The following RFTN1 variants were observed in gnomAD, a reference collection of about 807,000 sequenced individuals.
RFTN1 encodes raftlin, lipid raft linker 1.
In RFTN1, 26 loss-of-function variants were observed where a neutral mutation model predicts 46.5. The ratio of observed to expected loss-of-function variants is 0.56; its 90% confidence interval spans 0.41 to 0.78. The LOEUF is 0.78. Ranked by LOEUF, RFTN1 falls within the 30% of genes least tolerant of loss-of-function variation. The pLI, the probability that RFTN1 is intolerant of heterozygous loss-of-function variation, is 0.00. For synonymous variants in RFTN1, 261 were observed against 284.2 expected (o/e 0.92, Z 0.82); for missense variants, 693 against 718.7 (o/e 0.96, Z 0.41).
At position 16,348,885 on chromosome 3, in the gene RFTN1, T is replaced by G. The variant is rs1379878568; in HGVS notation, c.1146+9047A>C. Reference sequence around the variant, plus strand: ...TCTCTGTGTCCTGCCACTGCCACAATCCACACACATTTCAGAACACCCGAG... The same window carrying G: ...TCTCTGTGTCCTGCCACTGCCACAAGCCACACACATTTCAGAACACCCGAG... On this transcript the variant is annotated intron_variant, in intron 7 of 9. Transcript: ENST00000334133. This position sits in a 1 kb window ranked among gnomAD's most constrained non-coding sequence, Gnocchi z 6.3. Among the ~76,000 whole-genome samples, 1 of 152,140 alleles carries G rather than the reference T, an allele frequency of 6.6e-6. No individual in the cohort carries two copies. The highest frequency in any genetic ancestry group is 1.9e-4 in the East Asian group (1 of 5,196).
chr3:16,433,998 A>G lies in RFTN1; in HGVS notation c.185T>C (p.Leu62Pro), dbSNP rs765993446. Residue 62 changes from leucine to proline, a missense_variant, in exon 3 of 10, where the codon CTG becomes CCG. Coordinates refer to ENST00000334133, the MANE Select transcript of RFTN1 (RefSeq NM_015150.2). This position sits in a 1 kb window ranked among gnomAD's most constrained non-coding sequence, Gnocchi z 4.4. ...PGSSAVRLAS[L>P]RDLPAQLLEL... ...CAGGAGCTGGGCGGGCAGGTCACGCAGGGAGGCCAGCCTCACTGCTGAGGA... is the reference window on the plus strand; with the variant it reads ...CAGGAGCTGGGCGGGCAGGTCACGCGGGGAGGCCAGCCTCACTGCTGAGGA... 2.5e-6 allele frequency: 4 copies of G among 1,612,092 alleles called. No homozygotes were observed. Among genetic ancestry groups the G allele is most frequent in the Non-Finnish European group, 3.4e-6 (4 of 1,179,264 alleles).
chr3:16,407,139 A>G lies in RFTN1; in HGVS notation c.441+2236T>C, dbSNP rs2074878565. Among the ~76,000 whole-genome samples, 1 of 152,146 alleles carries G rather than the reference A, an allele frequency of 6.6e-6. No homozygotes were observed. The highest frequency in any genetic ancestry group is 2.4e-5 in the African/African-American group (1 of 41,420). ...ACTGCAATGGGTCAGCCATGCAATA[A>G]CCTAATTTGGTTAAGACAAAGTCAC... On this transcript the variant is annotated intron_variant, in intron 4 of 9. Coordinates refer to ENST00000334133, the MANE Select transcript of RFTN1 (RefSeq NM_015150.2). This position sits in a 1 kb window ranked among gnomAD's most constrained non-coding sequence, Gnocchi z 4.0.
chr3:16,401,284 A>G (rs1468798675), intron 4 of RFTN1, among the ~76,000 whole-genome samples: 1 of 149,086 alleles, frequency 6.7e-6, no homozygotes, highest in East Asian at 2.0e-4. Context: ...TTATTGTGCC[A>G]CTGTACTCCA....
At position 16,421,927 on chromosome 3, in the gene RFTN1, C is replaced by A. The variant is rs1428374656; in HGVS notation, c.332+11924G>T. On this transcript the variant is annotated intron_variant, in intron 3 of 9. Coordinates refer to ENST00000334133, the MANE Select transcript of RFTN1 (RefSeq NM_015150.2). This position sits in a 1 kb window ranked among gnomAD's most constrained non-coding sequence, Gnocchi z 4.6. Reference sequence around the variant, plus strand: ...GAACCCAGCCCTTCTGCAGGCCCCTCCTGCTCCATACAGCACATGTGACCT... The same window carrying A: ...GAACCCAGCCCTTCTGCAGGCCCCTACTGCTCCATACAGCACATGTGACCT... Among the ~76,000 whole-genome samples, 1 of 152,196 alleles carries A rather than the reference C, an allele frequency of 6.6e-6. No individual in the cohort carries two copies. Among genetic ancestry groups the A allele is most frequent in the Non-Finnish European group, 1.5e-5 (1 of 68,020 alleles).
At position 16,361,119 on chromosome 3, in the gene RFTN1, C is replaced by T. The variant is rs902514471; in HGVS notation, c.1031-3072G>A. Among the ~76,000 whole-genome samples, 7 of 152,258 alleles carry T rather than the reference C, an allele frequency of 4.6e-5. No homozygotes were observed. The East Asian group carries it at 1.3e-3, about 29-fold the overall frequency. ...CTCTCCTCTACAAGGCTCTTGAAGG[C>T]CTAACTAGAATCAAAGAGTTTTTTA... On this transcript the variant is annotated intron_variant, in intron 6 of 9. Transcript: ENST00000334133. This position sits in a 1 kb window ranked among gnomAD's most constrained non-coding sequence, Gnocchi z 4.3.
At chr3:16,453,128 G>A (rs903369575) in intron 2 of RFTN1, among the ~76,000 whole-genome samples, 2 of 152,144 alleles carry the variant, frequency 1.3e-5, no homozygotes, top group African/African-American at 4.8e-5. Context: ...TTAAAGATGA[G>A]AAAACTCTGG....
intron 2 of RFTN1, among the ~76,000 whole-genome samples, chr3:16,453,182 A>C (rs2075848858): frequency 6.6e-6 from 1 of 152,232 alleles, no homozygotes; most frequent in Admixed American, 6.5e-5. Context: ...AGAGCCACTA[A>C]GGGTTGAACC....
intron 4 of RFTN1, among the ~76,000 whole-genome samples, chr3:16,379,996 A>T (rs2073930067): frequency 1.3e-5 from 2 of 152,228 alleles, no homozygotes; most frequent in Admixed American, 6.5e-5. Context: ...AGACACCTGC[A>T]CTAGCTTCTG....
Position 16,326,878 on chromosome 3 carries a change from TG to T in RFTN1, c.1147-3del. 2 of 1,612,306 alleles carry T rather than the reference TG, an allele frequency of 1.2e-6. No individual in the cohort carries two copies. The highest frequency in any genetic ancestry group is 1.7e-6 in the Non-Finnish European group (2 of 1,179,262). On this transcript the variant is annotated splice_region_variant and splice_polypyrimidine_tract_variant and intron_variant, in intron 7 of 9. Coordinates refer to ENST00000334133, the MANE Select transcript of RFTN1 (RefSeq NM_015150.2). ...GTAGTCTGTCTGCACTTCGACACCC[TG>T]GGGGAACAAGGCCAGCATTAGGGCT...
Position 16,448,048 on chromosome 3 carries a change from A to G in RFTN1, c.146-14011T>C, listed in dbSNP as rs1311351744. ...CACCAGCCACATGTGGCTATCGAGCATCTGAAATGTGGCCAGTGTGATTGA... is the reference window on the plus strand; with the variant it reads ...CACCAGCCACATGTGGCTATCGAGCGTCTGAAATGTGGCCAGTGTGATTGA... On this transcript the variant is annotated intron_variant, in intron 2 of 9. Transcript: ENST00000334133. The surrounding 1 kb of genome is among the most constrained non-coding windows in gnomAD (Gnocchi z 4.1). Among the ~76,000 whole-genome samples the G allele has an allele frequency of 1.3e-5, 2 of 151,922 alleles. No homozygotes were observed. Among genetic ancestry groups the G allele is most frequent in the African/African-American group, 2.4e-5 (1 of 41,338 alleles).
rs536589599 is a variant in RFTN1 at position 16,451,897 on chromosome 3, G to A, written c.146-17860C>T. 5.9e-5 allele frequency among the ~76,000 whole-genome samples: 9 copies of A among 152,258 alleles called. No homozygotes were observed. Among genetic ancestry groups the A allele is most frequent in the Admixed American group, 5.2e-4 (8 of 15,284 alleles). ...AGCATCACTAGCTTTGTGCTTTGGG[G>A]CCACTGTTGAGTAAAATAAGGGTGA... On this transcript the variant is annotated intron_variant, in intron 2 of 9. Transcript: ENST00000334133. This position sits in a 1 kb window ranked among gnomAD's most constrained non-coding sequence, Gnocchi z 4.2.
Position 16,440,231 on chromosome 3 carries a change from A to T in RFTN1, c.146-6194T>A, listed in dbSNP as rs368856812. Among the ~76,000 whole-genome samples, 21 of 152,256 alleles carry T rather than the reference A, an allele frequency of 1.4e-4. No individual in the cohort carries two copies. The highest frequency in any genetic ancestry group is 4.6e-4 in the African/African-American group (19 of 41,550). On this transcript the variant is annotated intron_variant, in intron 2 of 9. Coordinates refer to ENST00000334133, the MANE Select transcript of RFTN1 (RefSeq NM_015150.2). The surrounding 1 kb of genome is among the most constrained non-coding windows in gnomAD (Gnocchi z 4.6). ...TATCTACAGTGATCACACTCGCCTC[A>T]TCTGGGAAGGACACCCACGTGCTCC... is the stretch of plus-strand genomic sequence containing the variant.
chr3:16,366,465 T>C (rs1031962461), intron 6 of RFTN1, among the ~76,000 whole-genome samples: 10 of 151,862 alleles, frequency 6.6e-5, no homozygotes, highest in Non-Finnish European at 1.5e-4. Context: ...CTTGCTTCCA[T>C]CGGGTCCTGC....
At chr3:16,324,919 A>G (rs143169093) in intron 8 of RFTN1, among the ~76,000 whole-genome samples, 1,563 of 152,122 alleles carry the variant, frequency 0.01, 14 homozygotes, top group Middle Eastern at 0.034. Context: ...CATAATGGCT[A>G]TATTAATTTA....
chr3:16,338,652 T>C lies in RFTN1; in HGVS notation c.1147-11776A>G, dbSNP rs2071086769. On this transcript the variant is annotated intron_variant, in intron 7 of 9. Coordinates refer to ENST00000334133, the MANE Select transcript of RFTN1 (RefSeq NM_015150.2). The surrounding 1 kb of genome is among the most constrained non-coding windows in gnomAD (Gnocchi z 5.3). ...GCTTTGATGAGAGAGAAAACTAGGC[T>C]TTCTGGGAGTAAATGGGACTTGCTA... Among the ~76,000 whole-genome samples the C allele has an allele frequency of 6.6e-6, 1 of 152,230 alleles. No homozygotes were observed.
At position 16,342,187 on chromosome 3, in the gene RFTN1, G is replaced by C. The variant is rs2071360528; in HGVS notation, c.1147-15311C>G. 6.6e-6 allele frequency among the ~76,000 whole-genome samples: 1 copy of C among 151,732 alleles called. No homozygotes were observed. The highest frequency in any genetic ancestry group is 1.5e-5 in the Non-Finnish European group (1 of 67,984). On this transcript the variant is annotated intron_variant, in intron 7 of 9. Transcript: ENST00000334133. This position sits in a 1 kb window ranked among gnomAD's most constrained non-coding sequence, Gnocchi z 4.0. Reference sequence around the variant, plus strand: ...CCACACCAATACCCTGTACCTATTAGCAGTCACTCCCCTTTCCCCCCACCC... The same window carrying C: ...CCACACCAATACCCTGTACCTATTACCAGTCACTCCCCTTTCCCCCCACCC...
intron 5 of RFTN1, among the ~76,000 whole-genome samples, chr3:16,375,508 AC>A (rs1384362374): frequency 3.9e-5 from 6 of 152,196 alleles, no homozygotes; most frequent in Admixed American, 3.9e-4. Context: ...TTGGAGGGTG[AC>A]TGCCATCGTG....
intron 6 of RFTN1, among the ~76,000 whole-genome samples, chr3:16,363,011 C>T (rs1329559207): frequency 6.6e-6 from 1 of 152,234 alleles, no homozygotes; most frequent in Non-Finnish European, 1.5e-5. Flanking sequence ...CCACCCACCT[C>T]ATCCACTGCC....
At position 16,422,196 on chromosome 3, in the gene RFTN1, G is replaced by A. The variant is rs73816433; in HGVS notation, c.332+11655C>T. Among the ~76,000 whole-genome samples the A allele has an allele frequency of 0.076, 11,511 of 152,158 alleles. 1,046 individuals carry two copies. The highest frequency in any genetic ancestry group is 0.22 in the African/African-American group (9,138 of 41,474). On this transcript the variant is annotated intron_variant, in intron 3 of 9. Transcript: ENST00000334133. This position sits in a 1 kb window ranked among gnomAD's most constrained non-coding sequence, Gnocchi z 4.6. ...TAATAATATTGAACATTATGTTCTT[G>A]AAAACACAAGGTGGAAATTCTTCTT...
Sources: gnomAD v4.1 joint callset for allele counts (sites outside exome capture counted in the v4.1 genomes callset) on GRCh38, gnomAD v4.1.1 for gene constraint, Gnocchi (gnomAD v3.1) non-coding constraint, MANE v1.5 for transcripts, NCBI Gene and HGNC (gene_info 2026-07-23, HGNC 2026-07-21) for gene names.